Variants in ABHD2 observed in about 807,000 individuals in gnomAD.
The protein encoded by ABHD2 is abhydrolase domain containing 2, acylglycerol lipase, also known as monoacylglycerol lipase ABHD2.
In ABHD2, 20 loss-of-function variants were observed where a neutral mutation model predicts 48.1. The ratio of observed to expected loss-of-function variants is 0.42; its 90% CI spans 0.29 to 0.60. The LOEUF (loss-of-function observed/expected upper bound fraction) is 0.60, where lower values mean the gene tolerates loss of function less well. ABHD2 is among the 20% of genes least tolerant of loss of function. The pLI, the probability that ABHD2 is intolerant of heterozygous loss-of-function variation, is 0.24. For missense variants in ABHD2, 405 were observed against 550.9 expected, an observed-to-expected ratio of 0.74 and a Z score of 2.65; for synonymous variants, 209 against 214.2, an observed-to-expected ratio of 0.98 and a Z score of 0.21.
At chr15:89,132,280 TAAG>T (rs1368333453) in intron 3 of ABHD2, among the ~76,000 whole-genome samples, 1 of 152,094 alleles carries the variant, frequency 6.6e-6, no homozygotes, top group Non-Finnish European at 1.5e-5. Context: ...GTCCTAATAA[TAAG>T]AATCGCTGTA....
In ABHD2 at chr15:89,116,740, A is replaced by G. The variant is rs1398400466; in HGVS notation, c.194+219A>G. ...TTGCCTGAAACATTCCTTCCTCTAC[A>G]GTGTGATGTCATTATCCATGACAGG... On this transcript the variant is annotated intron_variant, in intron 3 of 10. Transcript: ENST00000352732. The surrounding 1 kb of genome is among the most constrained non-coding windows in gnomAD (Gnocchi z 4.6). Among the ~76,000 whole-genome samples, 2 of 152,198 alleles carry G rather than the reference A, an allele frequency of 1.3e-5. No homozygotes were observed. Among genetic ancestry groups the G allele is most frequent in the East Asian group, 1.9e-4 (1 of 5,190 alleles).
Position 89,188,128 on chromosome 15 carries a change from C to A in ABHD2, c.816-65C>A. ...CTCCTGGCTTGCTGTGGCAAGGAAG[C>A]AGGCTATGCCATGGTTGTTCATCCT... On this transcript the variant is annotated intron_variant, in intron 7 of 10. Transcript: ENST00000352732. The surrounding 1 kb of genome is among the most constrained non-coding windows in gnomAD (Gnocchi z 4.1). 2 of 1,416,582 alleles carry A rather than the reference C, an allele frequency of 1.4e-6. No individual in the cohort carries two copies. The highest frequency in any genetic ancestry group is 1.2e-5 in the South Asian group (1 of 85,430). 87.8% of individuals were successfully genotyped at this position (1,416,582 alleles called of 1,614,324 possible).
At chr15:89,150,202 T>G (rs897639209) in intron 3 of ABHD2, among the ~76,000 whole-genome samples, 2 of 152,244 alleles carry the variant, frequency 1.3e-5, no homozygotes, top group Non-Finnish European at 1.5e-5. Flanking sequence ...ACTTTTAATT[T>G]ATAAACAAAA....
chr15:89,050,433 G>A, the ABHD2 span, among the ~76,000 whole-genome samples: 2 of 152,190 alleles, frequency 1.3e-5, no homozygotes, highest in Non-Finnish European at 2.9e-5. Context: ...GGTCAGGGAG[G>A]AGCAGGGAAC....
At position 89,184,178 on chromosome 15, in the gene ABHD2, C is replaced by T. The variant is rs1277134857; in HGVS notation, c.723-1246C>T. The stretch of plus-strand genomic sequence containing the variant: ...TCACAAACCATTTCATTCTTAACTC[C>T]CCACTACCTCTTATTTTTTAACCAC... On this transcript the variant is annotated intron_variant, in intron 6 of 10. Coordinates refer to ENST00000352732, the MANE Select transcript of ABHD2 (RefSeq NM_152924.5). The surrounding 1 kb of genome is among the most constrained non-coding windows in gnomAD (Gnocchi z 5.1). Among the ~76,000 whole-genome samples the T allele has an allele frequency of 6.6e-6, 1 of 152,116 alleles. No homozygotes were observed. The highest frequency in any genetic ancestry group is 1.9e-4 in the East Asian group (1 of 5,194).
At chr15:89,107,364 C>A (rs2049802488) in intron 1 of ABHD2, among the ~76,000 whole-genome samples, 1 of 152,080 alleles carries the variant, frequency 6.6e-6, no homozygotes, top group East Asian at 1.9e-4. Context: ...ATTTTAAACT[C>A]ATTGGAGGAG....
At chr15:89,171,916 G>C (rs1331487904) in intron 5 of ABHD2, among the ~76,000 whole-genome samples, 1 of 152,104 alleles carries the variant, frequency 6.6e-6, no homozygotes, top group Non-Finnish European at 1.5e-5. Flanking sequence ...CCAGGCATTA[G>C]TATGGGTGTT....
rs61602174 is a variant in ABHD2 at position 89,183,384 on chromosome 15, A to AAAAATAT, written c.723-2039_723-2038insAAATATA. 191 of 46,220 alleles carry AAAAATAT rather than the reference A, an allele frequency of 4.1e-3. 7 individuals carry two copies. The highest frequency in any genetic ancestry group is 5.9e-3 in the Non-Finnish European group (139 of 23,584). 2.9% of individuals were successfully genotyped at this position (46,220 alleles called of 1,614,324 possible). On this transcript the variant is annotated intron_variant, in intron 6 of 10. Transcript: ENST00000352732. ...AGTCCTTTTCAAAAAAAAAAAAAAA[A>AAAAATAT]ATATATATATATATATATATATATA... is the stretch of plus-strand genomic sequence containing the variant.
At position 89,100,605 on chromosome 15, in the gene ABHD2, C is replaced by T. The variant is rs2049686414; in HGVS notation, c.-107+12042C>T. ...ACCTTATTGGCCAGGCAAAGTGGCT[C>T]ACGCCTGTAATCCCAGCACTTTCGG... On this transcript the variant is annotated intron_variant, in intron 1 of 10. Coordinates refer to ENST00000352732, the MANE Select transcript of ABHD2 (RefSeq NM_152924.5). This position sits in a 1 kb window ranked among gnomAD's most constrained non-coding sequence, Gnocchi z 4.4. Among the ~76,000 whole-genome samples the T allele has an allele frequency of 6.6e-6, 1 of 152,182 alleles. No homozygotes were observed. The highest frequency in any genetic ancestry group is 1.5e-5 in the Non-Finnish European group (1 of 68,040).
chr15:89,045,176 G>T, the ABHD2 span, among the ~76,000 whole-genome samples: 2 of 151,964 alleles, frequency 1.3e-5, no homozygotes, highest in Admixed American at 6.6e-5. Flanking sequence ...TTTCCCCATT[G>T]CTTGTTTTTC....
rs1015465229 is a variant in ABHD2, at chr15:89,092,185, T to C, written c.-107+3622T>C. Reference sequence around the variant, plus strand: ...TAAGCTCCACCATTACCCCTGAAGCTTGTGGACTGGGGCCATTTGGGTGAG... The same window carrying C: ...TAAGCTCCACCATTACCCCTGAAGCCTGTGGACTGGGGCCATTTGGGTGAG... On this transcript the variant is annotated intron_variant, in intron 1 of 10. Transcript: ENST00000352732. The surrounding 1 kb of genome is among the most constrained non-coding windows in gnomAD (Gnocchi z 4.4). Among the ~76,000 whole-genome samples the C allele has an allele frequency of 2.6e-5, 4 of 152,222 alleles. No individual in the cohort carries two copies. Among genetic ancestry groups the C allele is most frequent in the East Asian group, 1.9e-4 (1 of 5,198 alleles).
chr15:89,084,053 C>G (rs915421065), upstream of ABHD2, among the ~76,000 whole-genome samples: 6 of 152,116 alleles, frequency 3.9e-5, no homozygotes, highest in African/African-American at 1.2e-4. This position sits in a 1 kb window ranked among gnomAD's most constrained non-coding sequence, Gnocchi z 4.4. Context: ...GCAGCTTTTA[C>G]TATTATTCTC....
the ABHD2 span, among the ~76,000 whole-genome samples, chr15:89,078,229 C>G: frequency 2.0e-5 from 3 of 152,308 alleles, no homozygotes; most frequent in South Asian, 6.2e-4. Flanking sequence ...ATGCAATAAC[C>G]TGTTATCTCT....
In ABHD2 at chr15:89,189,607, C is replaced by G. The variant is rs2051270553; in HGVS notation, c.926+1304C>G. Among the ~76,000 whole-genome samples, 1 of 152,220 alleles carries G rather than the reference C, an allele frequency of 6.6e-6. No homozygotes were observed. The highest frequency in any genetic ancestry group is 2.4e-5 in the African/African-American group (1 of 41,454). On this transcript the variant is annotated intron_variant, in intron 8 of 10. Coordinates refer to ENST00000352732, the MANE Select transcript of ABHD2 (RefSeq NM_152924.5). The surrounding 1 kb of genome is among the most constrained non-coding windows in gnomAD (Gnocchi z 4.9). Reference sequence around the variant, plus strand: ...TTGACCTAAGGGTATAGGATCTCTGCTTTGCTTCCTTATGAGATTTTAGTA... The same window carrying G: ...TTGACCTAAGGGTATAGGATCTCTGGTTTGCTTCCTTATGAGATTTTAGTA...
the ABHD2 span, among the ~76,000 whole-genome samples, chr15:89,050,733 T>G: frequency 0.32 from 48,158 of 151,934 alleles, 8,874 homozygotes; most frequent in African/African-American, 0.51. Context: ...CTTGCCACCT[T>G]CCCAGTTCCC....
intron 5 of ABHD2, among the ~76,000 whole-genome samples, chr15:89,172,263 A>G (rs2050942281): frequency 6.6e-6 from 1 of 152,216 alleles, no homozygotes; most frequent in African/African-American, 2.4e-5. Flanking sequence ...TTGCAAAACT[A>G]AAACTATACC....
chr15:89,072,323 A>G, the ABHD2 span, among the ~76,000 whole-genome samples: 1 of 149,718 alleles, frequency 6.7e-6, no homozygotes, highest in Non-Finnish European at 1.5e-5. Context: ...TAAAAATACA[A>G]AAATTAGCCA....
intron 6 of ABHD2, chr15:89,183,384 A>AAAAAATAT (rs61602174): frequency 0.019 from 862 of 46,152 alleles, 28 homozygotes; most frequent in Non-Finnish European, 0.028. Flanking sequence ...AAAAAAAAAA[A>AAAAAATAT]ATATATATAT....
chr15:89,042,708 GTGA>G, the ABHD2 span, among the ~76,000 whole-genome samples: 1 of 151,584 alleles, frequency 6.6e-6, no homozygotes, highest in African/African-American at 2.4e-5. Flanking sequence ...GTACAGTGGG[GTGA>G]TCTTGGCTCA....
Sources: allele counts gnomAD v4.1 joint callset (sites outside exome capture counted in the v4.1 genomes callset), GRCh38; gene constraint gnomAD v4.1.1; non-coding constraint Gnocchi (gnomAD v3.1); transcripts MANE v1.5; gene names NCBI Gene and HGNC (gene_info 2026-07-23, HGNC 2026-07-21).